TRAF3: variants seen among roughly 807,000 people sequenced by gnomAD.
TRAF3 encodes the protein TNF receptor-associated factor 3.
In TRAF3, 13 loss-of-function variants were observed where a neutral mutation model predicts 62.3. The ratio of observed to expected loss-of-function variants is 0.21; its 90% CI spans 0.14 to 0.33. TRAF3 has a LOEUF of 0.33. TRAF3 is among the 10% of genes least tolerant of loss of function. The pLI is 1.00. For missense variants in TRAF3, 440 were observed against 741.8 expected (o/e 0.59, Z 4.73); for synonymous variants, 269 against 283.4 (o/e 0.95, Z 0.51).
rs76663820 is a variant in TRAF3, at chr14:102,784,215, C to CT, written c.-157+6567dup. Among the ~76,000 whole-genome samples, 434 of 117,550 alleles carry CT rather than the reference C, an allele frequency of 3.7e-3. 14 individuals are homozygous for CT. The highest frequency in any genetic ancestry group is 5.9e-3 in the African/African-American group (138 of 23,270). The allele number at this position is 117,550 out of a possible 152,430, so 77.1% of individuals were successfully genotyped here. ...GTTTGCTCCTGGGAAGATGCTTGGC[C>CT]TTTTTTTTTTTTTTTTTTTTTTTTT... On this transcript the variant is annotated intron_variant, in intron 1 of 11. Transcript: ENST00000392745.
At chr14:102,794,087 G>A (rs532130607) in intron 1 of TRAF3, among the ~76,000 whole-genome samples, 2 of 152,286 alleles carry the variant, frequency 1.3e-5, no homozygotes, top group East Asian at 1.9e-4. Context: ...TTTCTCCTAA[G>A]GTGGTTGTGC....
At chr14:102,833,132 G>A (rs1182187686) in intron 2 of TRAF3, among the ~76,000 whole-genome samples, 1 of 152,158 alleles carries the variant, frequency 6.6e-6, no homozygotes, top group Non-Finnish European at 1.5e-5. Context: ...TATTGCTGGT[G>A]TTCTGTCTTC....
At chr14:102,788,415 A>G (rs1260159271) in intron 1 of TRAF3, among the ~76,000 whole-genome samples, 2 of 151,846 alleles carry the variant, frequency 1.3e-5, no homozygotes, top group Non-Finnish European at 2.9e-5. Flanking sequence ...TAATTTCAGC[A>G]TTTTGGGAGG....
intron 2 of TRAF3, among the ~76,000 whole-genome samples, chr14:102,852,471 G>A (rs1202638815): frequency 2.6e-5 from 4 of 152,186 alleles, no homozygotes; most frequent in Non-Finnish European, 4.4e-5. Flanking sequence ...GTCCGTGTGT[G>A]AGGCTGCAGT....
rs183238957 is a variant in TRAF3, at chr14:102,802,518, A to T, written c.-157+24843A>T. On this transcript the variant is annotated intron_variant, in intron 1 of 11. Coordinates refer to ENST00000392745, the MANE Select transcript of TRAF3 (RefSeq NM_145725.3). ...GTTAGAAGGTGGCTGTATTAGTCCA[A>T]TTTCACGCTGCTATGAAAAAATACC... is the stretch of plus-strand genomic sequence containing the variant. Among the ~76,000 whole-genome samples, 797 of 148,268 alleles carry T rather than the reference A, an allele frequency of 5.4e-3. 6 individuals are homozygous for T. Among genetic ancestry groups the T allele is most frequent in the Admixed American group, 9.8e-3 (146 of 14,870 alleles).
At chr14:102,900,344 T>C (rs1037680049) in intron 10 of TRAF3, among the ~76,000 whole-genome samples, 2 of 150,190 alleles carry the variant, frequency 1.3e-5, no homozygotes, top group African/African-American at 2.5e-5. Context: ...CTACTAAAAA[T>C]AGAAAAATTA....
chr14:102,893,699 C>T (rs1286334962), intron 9 of TRAF3, among the ~76,000 whole-genome samples: 2 of 152,344 alleles, frequency 1.3e-5, no homozygotes, highest in South Asian at 2.1e-4. Context: ...AGCCAAGTCA[C>T]GATGGAAGCC....
chr14:102,869,738 G>A lies in TRAF3; in HGVS notation c.-17-447G>A, dbSNP rs957995521. ...GGAGAATGGCATGAACCTGGGAGGC[G>A]GAGCTTGCAGTGAGCCAAGATGGCG... is the stretch of plus-strand genomic sequence containing the variant. On this transcript the variant is annotated intron_variant, in intron 2 of 11. Coordinates refer to ENST00000392745, the MANE Select transcript of TRAF3 (RefSeq NM_145725.3). Among the ~76,000 whole-genome samples the A allele has an allele frequency of 1.2e-4, 18 of 151,796 alleles. No homozygotes were observed. The East Asian group carries it at 1.6e-3, about 13-fold the overall frequency.
chr14:102,783,217 G>A (rs561712915), intron 1 of TRAF3, among the ~76,000 whole-genome samples: 2 of 152,300 alleles, frequency 1.3e-5, no homozygotes, highest in East Asian at 3.9e-4. Flanking sequence ...CGGCACTTGG[G>A]TGTGCCTTGT....
intron 9 of TRAF3, among the ~76,000 whole-genome samples, chr14:102,893,741 C>G (rs970550583): frequency 6.6e-6 from 1 of 152,180 alleles, no homozygotes; most frequent in South Asian, 2.1e-4. Flanking sequence ...CTGTGCACTT[C>G]CCTCTTGGAC....
intron 2 of TRAF3, among the ~76,000 whole-genome samples, chr14:102,841,333 C>A (rs534380936): frequency 1.2e-3 from 187 of 152,312 alleles, no homozygotes; most frequent in African/African-American, 4.5e-3. Flanking sequence ...GAGGAAGCAC[C>A]TCAAGGCTGG....
intron 1 of TRAF3, among the ~76,000 whole-genome samples, chr14:102,778,364 C>T (rs1171235013): frequency 6.6e-6 from 1 of 152,110 alleles, no homozygotes; most frequent in East Asian, 1.9e-4. Context: ...CGTGTGGGGA[C>T]TTCGGTCTAG....
At position 102,790,079 on chromosome 14, in the gene TRAF3, C is replaced by T. The variant is rs576243034; in HGVS notation, c.-157+12404C>T. 1.6e-4 allele frequency among the ~76,000 whole-genome samples: 25 copies of T among 152,304 alleles called. No individual in the cohort carries two copies. The South Asian group carries it at 3.3e-3, about 20-fold the overall frequency. The stretch of plus-strand genomic sequence containing the variant: ...CTGGCCTCAAGTGATCCACCCACCT[C>T]AGCCTCCCAAAGTGTTGGGATTATA... On this transcript the variant is annotated intron_variant, in intron 1 of 11. Coordinates refer to ENST00000392745, the MANE Select transcript of TRAF3 (RefSeq NM_145725.3).
intron 1 of TRAF3, among the ~76,000 whole-genome samples, chr14:102,797,344 G>A (rs541393926): frequency 1.3e-5 from 2 of 152,290 alleles, no homozygotes; most frequent in Admixed American, 1.3e-4. Context: ...TATATATGAT[G>A]AGGTCTCATC....
In TRAF3 at chr14:102,826,034, T is replaced by TG. The variant is rs1256718466; in HGVS notation, c.-156-4295dup. Among the ~76,000 whole-genome samples, 1 of 152,190 alleles carries TG rather than the reference T, an allele frequency of 6.6e-6. No individual in the cohort carries two copies. Among genetic ancestry groups the TG allele is most frequent in the Non-Finnish European group, 1.5e-5 (1 of 68,038 alleles). The stretch of plus-strand genomic sequence containing the variant: ...CATATCTCACAGTAAGAGGGAAGGA[T>TG]GGGGGAGGAAGACTGCTGTATTTCC... On this transcript the variant is annotated intron_variant, in intron 1 of 11. Transcript: ENST00000392745. This position sits in a 1 kb window ranked among gnomAD's most constrained non-coding sequence, Gnocchi z 4.6.
intron 2 of TRAF3, among the ~76,000 whole-genome samples, chr14:102,838,050 A>G (rs1305501357): frequency 6.6e-6 from 1 of 152,226 alleles, no homozygotes; most frequent in South Asian, 2.1e-4. Flanking sequence ...CGGTGTGATA[A>G]CAGACATAGT....
At chr14:102,879,255 T>A (rs1888901415) in intron 6 of TRAF3, among the ~76,000 whole-genome samples, 1 of 152,090 alleles carries the variant, frequency 6.6e-6, no homozygotes, top group Non-Finnish European at 1.5e-5. Context: ...ATCATCCAGT[T>A]CCTGGTAGAT....
At chr14:102,852,360 C>T (rs958929501) in intron 2 of TRAF3, among the ~76,000 whole-genome samples, 2 of 152,064 alleles carry the variant, frequency 1.3e-5, no homozygotes, top group Non-Finnish European at 2.9e-5. Flanking sequence ...TTGGTCTTTG[C>T]TTTTGGAGCT....
At chr14:102,843,879 A>G (rs1886534740) in intron 2 of TRAF3, among the ~76,000 whole-genome samples, 1 of 152,248 alleles carries the variant, frequency 6.6e-6, no homozygotes, top group African/African-American at 2.4e-5. Context: ...AAAAACAGAT[A>G]TAAATAATGA....
Sources: allele counts gnomAD v4.1 joint callset (sites outside exome capture counted in the v4.1 genomes callset), GRCh38; gene constraint gnomAD v4.1.1; non-coding constraint Gnocchi (gnomAD v3.1); transcripts MANE v1.5; gene names NCBI Gene and HGNC (gene_info 2026-07-23, HGNC 2026-07-21).